The following HTR1F variants were observed in gnomAD, a reference collection of about 807,000 sequenced individuals.
The protein encoded by HTR1F is 5-hydroxytryptamine receptor 1F.
Under a neutral mutation model 24.0 loss-of-function variants are expected in HTR1F, and 17 were observed. The observed-to-expected ratio is 0.71, with a 90% CI of 0.48 to 1.06. The LOEUF is 1.06. Ranked by LOEUF, HTR1F falls within the 50% of genes least tolerant of loss-of-function variation. The pLI is 0.00. For synonymous variants in HTR1F, 186 were observed against 156.8 expected (o/e 1.19, Z -1.39); for missense variants, 391 against 427.8 (o/e 0.91, Z 0.76).
At chr3:87,924,127 CT>C (rs1352636533) in intron 2 of HTR1F, among the ~76,000 whole-genome samples, 3 of 151,930 alleles carry the variant, frequency 2.0e-5, no homozygotes, top group African/African-American at 7.3e-5. Context: ...TGGTCCTGGG[CT>C]TTTCTTTTTT....
At chr3:87,935,915 A>AT (rs1261599551) in intron 2 of HTR1F, among the ~76,000 whole-genome samples, 1 of 151,814 alleles carries the variant, frequency 6.6e-6, no homozygotes, top group Non-Finnish European at 1.5e-5. Context: ...CAGTGGCATG[A>AT]TCTCGGCTCA....
At chr3:87,815,291 T>C in intron 1 of HTR1F, among the ~76,000 whole-genome samples, 1 of 149,876 alleles carries the variant, frequency 6.7e-6, no homozygotes, top group South Asian at 2.1e-4. Context: ...GTGAATCAAA[T>C]ATATATATAT....
intron 2 of HTR1F, among the ~76,000 whole-genome samples, chr3:87,840,158 C>T (rs1184599887): frequency 6.6e-6 from 1 of 152,008 alleles, no homozygotes; most frequent in Non-Finnish European, 1.5e-5. Context: ...GTCTTCTTTT[C>T]AGAAGTGTTT....
chr3:87,879,083 C>T (rs977133668), intron 2 of HTR1F, among the ~76,000 whole-genome samples: 6 of 152,066 alleles, frequency 3.9e-5, no homozygotes, highest in Admixed American at 6.6e-5. Flanking sequence ...ACAGTATATG[C>T]TGTGAATTTC....
At chr3:87,945,306 A>G (rs1704671640) in intron 2 of HTR1F, among the ~76,000 whole-genome samples, 2 of 152,196 alleles carry the variant, frequency 1.3e-5, no homozygotes, top group African/African-American at 4.8e-5. Flanking sequence ...AGGACACAGC[A>G]TAGAGCTTCC....
chr3:87,849,292 G>A (rs1705023917), intron 2 of HTR1F, among the ~76,000 whole-genome samples: 1 of 151,636 alleles, frequency 6.6e-6, no homozygotes, highest in Non-Finnish European at 1.5e-5. Flanking sequence ...AGAGCCCTCA[G>A]AAATAATGCC....
chr3:87,903,126 A>G (rs980155074), intron 2 of HTR1F, among the ~76,000 whole-genome samples: 3 of 152,128 alleles, frequency 2.0e-5, no homozygotes, highest in African/African-American at 7.2e-5. Flanking sequence ...AAACTAACTC[A>G]AGATGGATTC....
At position 87,808,769 on chromosome 3, in the gene HTR1F, A is replaced by G. The variant is rs1214625321; in HGVS notation, c.-159-13239A>G. ...TTATTCTATCAGCTTTGTTCTTAGC[A>G]CTGCTTTTGCTGTATCCCATAGATT... On this transcript the variant is annotated intron_variant, in intron 1 of 2. Transcript: ENST00000319595. 9.9e-5 allele frequency among the ~76,000 whole-genome samples: 15 copies of G among 151,878 alleles called. No homozygotes were observed. In the Middle Eastern group the frequency reaches 0.014, roughly 138 times the overall value.
intron 2 of HTR1F, among the ~76,000 whole-genome samples, chr3:87,880,152 G>A (rs1014093554): frequency 2.6e-5 from 4 of 152,132 alleles, no homozygotes; most frequent in Admixed American, 6.6e-5. Context: ...AAACAGATAA[G>A]TGATAGGCTG....
At chr3:87,856,860 C>G (rs555757921) in intron 2 of HTR1F, among the ~76,000 whole-genome samples, 2 of 152,202 alleles carry the variant, frequency 1.3e-5, no homozygotes, top group East Asian at 3.9e-4. Context: ...TTTATATAAT[C>G]TAATCTGTAG....
At chr3:87,846,010 T>C (rs1052454728) in intron 2 of HTR1F, among the ~76,000 whole-genome samples, 2 of 151,960 alleles carry the variant, frequency 1.3e-5, no homozygotes, top group African/African-American at 4.8e-5. Flanking sequence ...GCACACTCAC[T>C]ATGTGCTAGC....
chr3:87,924,586 T>C (rs1218249139), intron 2 of HTR1F, among the ~76,000 whole-genome samples: 1 of 152,186 alleles, frequency 6.6e-6, no homozygotes, highest in Non-Finnish European at 1.5e-5. Context: ...CCCTGTTTTT[T>C]CTTGTCTGGA....
At chr3:87,900,751 C>G (rs548881577) in intron 2 of HTR1F, among the ~76,000 whole-genome samples, 1 of 152,158 alleles carries the variant, frequency 6.6e-6, no homozygotes, top group East Asian at 1.9e-4. Context: ...AGGAGAGTCC[C>G]CAAGGGTTTT....
At chr3:87,946,627 A>T (rs891864298) in intron 2 of HTR1F, among the ~76,000 whole-genome samples, 16,637 of 128,658 alleles carry the variant, frequency 0.13, 1,123 homozygotes, top group Non-Finnish European at 0.16. Context: ...ATATATATAT[A>T]TTTTTTTTTT....
At chr3:87,978,451 G>A (rs570524226) in intron 2 of HTR1F, among the ~76,000 whole-genome samples, 102 of 152,256 alleles carry the variant, frequency 6.7e-4, no homozygotes, top group Non-Finnish European at 1.1e-3. Context: ...TTGAGCAACA[G>A]TACAGCTCTC....
At chr3:87,881,022 G>T (rs549924369) in intron 2 of HTR1F, among the ~76,000 whole-genome samples, 1 of 152,154 alleles carries the variant, frequency 6.6e-6, no homozygotes, top group African/African-American at 2.4e-5. Flanking sequence ...CACAGAATAC[G>T]GGTGATTTCT....
At chr3:87,842,305 C>G (rs557727809) in intron 2 of HTR1F, among the ~76,000 whole-genome samples, 1 of 151,568 alleles carries the variant, frequency 6.6e-6, no homozygotes, top group African/African-American at 2.4e-5. Context: ...GGATTATAGG[C>G]GCCCACCACC....
chr3:87,886,107 C>T (rs1368334071), intron 2 of HTR1F, among the ~76,000 whole-genome samples: 2 of 152,264 alleles, frequency 1.3e-5, no homozygotes, highest in Middle Eastern at 3.4e-3. Context: ...TACTGGCAAA[C>T]TGAATCTAGC....
At chr3:87,825,885 TTG>T (rs1348704138) in intron 2 of HTR1F, among the ~76,000 whole-genome samples, 1 of 152,114 alleles carries the variant, frequency 6.6e-6, no homozygotes, top group Non-Finnish European at 1.5e-5. Context: ...TTAGATCCCA[TTG>T]TAGGGACATA....
Sources: allele counts gnomAD v4.1 joint callset (sites outside exome capture counted in the v4.1 genomes callset), GRCh38; gene constraint gnomAD v4.1.1; transcripts MANE v1.5; gene names NCBI Gene and HGNC (gene_info 2026-07-23, HGNC 2026-07-21).